BRD4: variants seen among roughly 807,000 people sequenced by gnomAD.
BRD4 encodes bromodomain containing 4.
A neutral mutation model predicts 142.1 loss-of-function variants in BRD4; 16 were observed. The ratio of observed to expected loss-of-function variants is 0.11; its 90% CI spans 0.08 to 0.17. The LOEUF (loss-of-function observed/expected upper bound fraction) is 0.17, where lower values mean the gene tolerates loss of function less well. BRD4 is among the 10% of genes least tolerant of loss of function. The pLI, the probability that BRD4 is intolerant of heterozygous loss-of-function variation, is 1.00. For missense variants in BRD4, 1,424 were observed against 1,810.9 expected (o/e 0.79, Z 3.88); for synonymous variants, 833 against 707.5 (o/e 1.18, Z -2.82).
At chr19:15,321,175 G>A (rs1472966972) in intron 1 of BRD4, among the ~76,000 whole-genome samples, 5 of 152,020 alleles carry the variant, frequency 3.3e-5, no homozygotes, top group South Asian at 2.1e-4. Flanking sequence ...AGTGAGCCGA[G>A]ATGGTGCCAC....
At chr19:15,254,462 A>G (rs1001292068) in intron 10 of BRD4, among the ~76,000 whole-genome samples, 200 bp from the exon 11 acceptor site, 2 of 152,168 alleles carry the variant, frequency 1.3e-5, no homozygotes, top group African/African-American at 4.8e-5. Context: ...ACTGCTTACA[A>G]TGGAATTTCA....
chr19:15,238,523 G>C lies in BRD4; in HGVS notation c.4021-78C>G. The C allele has an allele frequency of 6.2e-7, 1 of 1,607,274 alleles. No homozygotes were observed. ...CTACAAGCCCTCATACCCGCTACCA[G>C]CAGTCAGCCCCGTAGCCCTCCCCGT... On this transcript the variant is annotated intron_variant, in intron 19 of 19. Coordinates refer to ENST00000679869, the MANE Select transcript of BRD4 (RefSeq NM_001379291.1). This position sits in a 1 kb window ranked among gnomAD's most constrained non-coding sequence, Gnocchi z 7.2.
At chr19:15,244,948 C>A (rs998544352) in intron 11 of BRD4, 186 bp from the exon 12 acceptor site, 30 of 1,052,034 alleles carry the variant, frequency 2.9e-5, no homozygotes, top group Non-Finnish European at 3.9e-5. Flanking sequence ...CGAGGCATCA[C>A]CTACCCACTT....
At chr19:15,248,436 G>C (rs1411053045) in intron 11 of BRD4, 1 of 218,964 alleles carries the variant, frequency 4.6e-6, no homozygotes, top group Non-Finnish European at 9.2e-6. Context: ...CGGGTGGGGT[G>C]AGGTGGGGTT....
At chr19:15,275,469 T>C (rs1174965441) in intron 1 of BRD4, among the ~76,000 whole-genome samples, 2 of 152,182 alleles carry the variant, frequency 1.3e-5, no homozygotes, top group African/African-American at 4.8e-5. Context: ...GGCAGTTAAG[T>C]TGGCCTTTGA....
chr19:15,271,747 C>T (rs578037088), intron 2 of BRD4, among the ~76,000 whole-genome samples: 19 of 152,214 alleles, frequency 1.2e-4, no homozygotes, highest in Non-Finnish European at 2.1e-4. Context: ...CCATACCTTT[C>T]CTGAGCCATT....
chr19:15,244,817 G>A (rs1599435359), intron 11 of BRD4, 55 bp from the exon 12 acceptor site: 1 of 1,612,224 alleles, frequency 6.2e-7, no homozygotes. Context: ...GAGTGAGCTG[G>A]CCTTGGATGA....
At position 15,238,400 on chromosome 19, in the gene BRD4, T is replaced by C. The variant is rs912468726; in HGVS notation, c.4066A>G (p.Ile1356Val). ...GCTCAGAAAAGATTTTCTTCAAATA[T>C]TGACAATAGATCACTCTGGAAATTC... is the stretch of plus-strand genomic sequence containing the variant. ...DMNFQSDLLS[I>V]FEENLF is the part of the protein sequence containing the mutation. The change falls in exon 20 of 20, where the codon ATA (isoleucine) becomes GTA (valine). Residue 1356 changes from isoleucine (I) to valine (V), a missense_variant. By Grantham distance (29) the Ile-to-Val change is conservative. Coordinates refer to ENST00000679869, the MANE Select transcript of BRD4 (RefSeq NM_001379291.1). The surrounding 1 kb of genome is among the most constrained non-coding windows in gnomAD (Gnocchi z 7.2). 10 of 1,614,124 alleles carry C rather than the reference T, an allele frequency of 6.2e-6. No individual in the cohort carries two copies. The highest frequency in any genetic ancestry group is 8.5e-6 in the Non-Finnish European group (10 of 1,180,002).
intron 7 of BRD4, among the ~76,000 whole-genome samples, chr19:15,260,247 C>T (rs908986646): frequency 2.0e-5 from 3 of 152,208 alleles, no homozygotes; most frequent in Non-Finnish European, 4.4e-5. Context: ...AATAAAGTGG[C>T]TCCTTTTCCA....
At chr19:15,309,043 T>C (rs2047942573) in intron 1 of BRD4, among the ~76,000 whole-genome samples, 1 of 147,376 alleles carries the variant, frequency 6.8e-6, no homozygotes, top group South Asian at 2.2e-4. Context: ...CAAACAAAAA[T>C]AAAAACTTTA....
chr19:15,292,307 C>T (rs1478306306), intron 1 of BRD4, among the ~76,000 whole-genome samples: 2 of 152,158 alleles, frequency 1.3e-5, no homozygotes, highest in African/African-American at 4.8e-5. Context: ...TCATGACACT[C>T]AATTACGGCT....
At position 15,266,227 on chromosome 19, in the gene BRD4, G is replaced by A. The variant is rs190210059; in HGVS notation, c.560-584C>T. The stretch of plus-strand genomic sequence containing the variant: ...ACCCAACCAGCTGCAAAAAGTGAGG[G>A]GTTATGGCCAGAGCTCTAACAAAAC... On this transcript the variant is annotated intron_variant, in intron 4 of 19. Coordinates refer to ENST00000679869, the MANE Select transcript of BRD4 (RefSeq NM_001379291.1). 1.2e-4 allele frequency among the ~76,000 whole-genome samples: 18 copies of A among 152,322 alleles called. No individual in the cohort carries two copies. The East Asian group carries it at 3.5e-3, about 29-fold the overall frequency.
intron 7 of BRD4, among the ~76,000 whole-genome samples, chr19:15,262,127 C>A (rs189568337): frequency 6.6e-6 from 1 of 152,116 alleles, no homozygotes; most frequent in East Asian, 1.9e-4. Flanking sequence ...GGCTGCTATG[C>A]TGGGGAGTCT....
At chr19:15,282,463 C>T (rs988291170) in intron 1 of BRD4, among the ~76,000 whole-genome samples, 1 of 152,174 alleles carries the variant, frequency 6.6e-6, no homozygotes, top group Non-Finnish European at 1.5e-5. Context: ...ACCAACCACT[C>T]GGCCACACAT....
chr19:15,282,918 A>G (rs1377064004), intron 1 of BRD4, among the ~76,000 whole-genome samples: 1 of 152,164 alleles, frequency 6.6e-6, no homozygotes, highest in East Asian at 1.9e-4. Context: ...TTAAGCTATG[A>G]TCATGTCACT....
At position 15,279,674 on chromosome 19, in the gene BRD4, G is replaced by C. The variant is rs558148732; in HGVS notation, c.-34-6541C>G. Among the ~76,000 whole-genome samples, 23 of 152,328 alleles carry C rather than the reference G, an allele frequency of 1.5e-4. No individual in the cohort carries two copies. In the South Asian group the frequency reaches 4.8e-3, roughly 32 times the overall value. On this transcript the variant is annotated intron_variant, in intron 1 of 19. Transcript: ENST00000679869. ...GTTCTGGGACTCTAAAGGCAAGCCA[G>C]AGAGGAAAAGAGAAAGACCACAAAC...
chr19:15,288,283 C>A (rs758037309), intron 1 of BRD4, among the ~76,000 whole-genome samples: 1 of 152,098 alleles, frequency 6.6e-6, no homozygotes, highest in African/African-American at 2.4e-5. Context: ...ATCACATCTG[C>A]AACTTATTAA....
chr19:15,321,039 G>C (rs1470997068), intron 1 of BRD4, among the ~76,000 whole-genome samples: 2 of 152,146 alleles, frequency 1.3e-5, no homozygotes, highest in African/African-American at 2.4e-5. Flanking sequence ...TTTGAGACCA[G>C]CCTGGCCAAC....
At chr19:15,293,618 G>A (rs572855987) in intron 1 of BRD4, among the ~76,000 whole-genome samples, 1 of 152,216 alleles carries the variant, frequency 6.6e-6, no homozygotes, top group Non-Finnish European at 1.5e-5. Context: ...CGACCCGGAA[G>A]GGGTAAAGCA....
Sources: allele counts gnomAD v4.1 joint callset (sites outside exome capture counted in the v4.1 genomes callset), GRCh38; gene constraint gnomAD v4.1.1; non-coding constraint Gnocchi (gnomAD v3.1); transcripts MANE v1.5; gene names NCBI Gene and HGNC (gene_info 2026-07-23, HGNC 2026-07-21).